The following FBXW8 variants were observed in gnomAD, a reference collection of about 807,000 sequenced individuals.
FBXW8 encodes F-box and WD repeat domain containing 8.
A neutral mutation model predicts 65.3 loss-of-function variants in FBXW8; 57 were observed. That is an observed-to-expected ratio of 0.87 (90% CI 0.71 to 1.09). The LOEUF (loss-of-function observed/expected upper bound fraction) is 1.09, where lower values mean the gene tolerates loss of function less well. Ranked by LOEUF, FBXW8 falls within the 50% of genes least tolerant of loss-of-function variation. The probability of loss-of-function intolerance (pLI) is 0.00; values close to 1 mark genes in which losing one functional copy is unlikely to be tolerated. For synonymous variants in FBXW8, 308 were observed against 330.2 expected (o/e 0.93, Z 0.73); for missense variants, 777 against 814.8 (o/e 0.95, Z 0.57).
chr12:117,028,023 T>C lies in FBXW8; in HGVS notation c.1653-5T>C. 1 of 1,613,958 alleles carries C rather than the reference T, an allele frequency of 6.2e-7. No individual in the cohort carries two copies. The highest frequency in any genetic ancestry group is 1.1e-5 in the South Asian group (1 of 91,074). On this transcript the variant is annotated splice_polypyrimidine_tract_variant and splice_region_variant and intron_variant, in intron 10 of 10. Transcript: ENST00000652555. This position sits in a 1 kb window ranked among gnomAD's most constrained non-coding sequence, Gnocchi z 4.1. The stretch of plus-strand genomic sequence containing the variant: ...GACCTGTCACCATCTTTGTGCTCTT[T>C]CTAGACACCGGGGGCTGATCCGCGC...
At chr12:116,990,754 G>GT (rs991153071) in intron 7 of FBXW8, among the ~76,000 whole-genome samples, 28 of 152,154 alleles carry the variant, frequency 1.8e-4, no homozygotes, top group African/African-American at 6.5e-4. Flanking sequence ...AGGCAGTGGG[G>GT]TTTTTTTGAT....
intron 3 of FBXW8, among the ~76,000 whole-genome samples, chr12:116,947,597 G>A (rs1026742331): frequency 5.9e-5 from 9 of 151,826 alleles, no homozygotes; most frequent in Non-Finnish European, 8.8e-5. Flanking sequence ...AAAATTAGCC[G>A]GGCGTGGTGG....
intron 1 of FBXW8, among the ~76,000 whole-genome samples, chr12:116,919,087 G>A (rs888454909): frequency 6.6e-6 from 1 of 152,108 alleles, no homozygotes; most frequent in Non-Finnish European, 1.5e-5. Flanking sequence ...ATGAATGTGG[G>A]CTCTCATAAT....
At position 116,936,672 on chromosome 12, in the gene FBXW8, T is replaced by A. The variant is rs1403609958; in HGVS notation, c.423+8545T>A. On this transcript the variant is annotated intron_variant, in intron 2 of 10. Coordinates refer to ENST00000652555, the MANE Select transcript of FBXW8 (RefSeq NM_153348.3). The surrounding 1 kb of genome is among the most constrained non-coding windows in gnomAD (Gnocchi z 4.6). ...GAATGCAGCCCTGCCCACACCTTGC[T>A]TTTACACTTCTGGTCTCCGGAACTA... 6.6e-6 allele frequency among the ~76,000 whole-genome samples: 1 copy of A among 152,186 alleles called. No individual in the cohort carries two copies. The highest frequency in any genetic ancestry group is 1.5e-5 in the Non-Finnish European group (1 of 68,034).
intron 1 of FBXW8, among the ~76,000 whole-genome samples, chr12:116,913,572 T>C (rs188547538): frequency 1.4e-4 from 22 of 152,304 alleles, no homozygotes; most frequent in Non-Finnish European, 2.5e-4. Context: ...TAAGTGAAAG[T>C]GGCTCATCAC....
intron 4 of FBXW8, among the ~76,000 whole-genome samples, chr12:116,951,743 T>A (rs956088849): frequency 6.6e-6 from 1 of 152,178 alleles, no homozygotes; most frequent in Non-Finnish European, 1.5e-5. Flanking sequence ...CAGACTGATA[T>A]TTATTGCAGT....
At chr12:116,965,160 T>C (rs1329059355) in intron 5 of FBXW8, among the ~76,000 whole-genome samples, 2 of 152,240 alleles carry the variant, frequency 1.3e-5, no homozygotes, top group East Asian at 1.9e-4. Flanking sequence ...ACTTGTTTGA[T>C]GTAAAATATT....
At chr12:116,990,487 C>T (rs1026002831) in intron 7 of FBXW8, among the ~76,000 whole-genome samples, 4 of 151,956 alleles carry the variant, frequency 2.6e-5, no homozygotes, top group African/African-American at 7.3e-5. Flanking sequence ...AGAGGGGAGA[C>T]CATTTTGCTT....
At position 116,980,547 on chromosome 12, in the gene FBXW8, G is replaced by C. The variant is rs577131858; in HGVS notation, c.836-4659G>C. On this transcript the variant is annotated intron_variant, in intron 5 of 10. Coordinates refer to ENST00000652555, the MANE Select transcript of FBXW8 (RefSeq NM_153348.3). ...TCTTGCCATTTCACAAGTTCACAGTGTCAGGAGCCAAATCCATTTCATTGC... is the reference window on the plus strand; with the variant it reads ...TCTTGCCATTTCACAAGTTCACAGTCTCAGGAGCCAAATCCATTTCATTGC... 4.6e-5 allele frequency: 7 copies of C among 152,280 alleles called. 1 individual carries two copies. In the South Asian group the frequency reaches 1.5e-3, roughly 32 times the overall value. 9.4% of individuals were successfully genotyped at this position (152,280 alleles called of 1,614,324 possible). A position where few individuals can be genotyped will look rare whatever the true frequency, so the allele number is the denominator to read the frequency against.
chr12:116,945,292 G>T (rs1882853784), intron 2 of FBXW8, 72 bp from the exon 3 acceptor site: 1 of 1,496,038 alleles, frequency 6.7e-7, no homozygotes, highest in African/African-American at 1.4e-5. Context: ...TATAGGTGTT[G>T]ATTGATTTTT....
chr12:116,916,911 T>TGTGA (rs59006120), intron 1 of FBXW8, among the ~76,000 whole-genome samples: 2,153 of 145,676 alleles, frequency 0.015, 27 homozygotes, highest in African/African-American at 0.03. Context: ...TGTGTGTGTG[T>TGTGA]GAGAGAGAGA....
intron 1 of FBXW8, 22 bp downstream of exon 1, chr12:116,911,377 C>T: frequency 1.6e-6 from 2 of 1,256,122 alleles, no homozygotes; most frequent in Non-Finnish European, 2.0e-6. Flanking sequence ...TCGCCTCCCC[C>T]CCGCCCATGC....
In FBXW8 at chr12:116,936,016, CAGAG is replaced by C. The variant is rs1247980889; in HGVS notation, c.423+7892_423+7895del. On this transcript the variant is annotated intron_variant, in intron 2 of 10. Coordinates refer to ENST00000652555, the MANE Select transcript of FBXW8 (RefSeq NM_153348.3). This position sits in a 1 kb window ranked among gnomAD's most constrained non-coding sequence, Gnocchi z 4.6. ...AATAAAACATAAAAAACCAGCTTCT[CAGAG>C]AGCTTCCATTGTATATACAATAAAG... 3.9e-5 allele frequency among the ~76,000 whole-genome samples: 3 copies of C among 76,376 alleles called. No individual in the cohort carries two copies. The highest frequency in any genetic ancestry group is 7.4e-4 in the East Asian group (2 of 2,714). The allele number at this position is 76,376 out of a possible 152,430, so 50.1% of individuals were successfully genotyped here. A position where few individuals can be genotyped will look rare whatever the true frequency, so the allele number is the denominator to read the frequency against.
intron 1 of FBXW8, among the ~76,000 whole-genome samples, chr12:116,922,428 A>G (rs1428786461): frequency 6.6e-6 from 1 of 152,174 alleles, no homozygotes; most frequent in Non-Finnish European, 1.5e-5. Flanking sequence ...CTCTTCTTTG[A>G]ACTCAAGGTG....
intron 5 of FBXW8, among the ~76,000 whole-genome samples, chr12:116,979,973 T>C (rs1424885616): frequency 6.6e-6 from 1 of 152,100 alleles, no homozygotes; most frequent in African/African-American, 2.4e-5. Flanking sequence ...CAGGTGGGCA[T>C]GTTCATAGTA....
rs143754925 is a variant in FBXW8, at chr12:116,919,136, C to T, written c.318+7781C>T. ...TAACTGATGCTATGGAAAGCAAAACCGCGGATAAGGGGGGACGACTGTGTT... is the reference window on the plus strand; with the variant it reads ...TAACTGATGCTATGGAAAGCAAAACTGCGGATAAGGGGGGACGACTGTGTT... On this transcript the variant is annotated intron_variant, in intron 1 of 10. Transcript: ENST00000652555. Among the ~76,000 whole-genome samples, 140 of 152,200 alleles carry T rather than the reference C, an allele frequency of 9.2e-4. 1 individual carries two copies. Among genetic ancestry groups the T allele is most frequent in the African/African-American group, 3.2e-3 (134 of 41,514 alleles).
chr12:117,008,992 G>A (rs373050259), intron 7 of FBXW8, among the ~76,000 whole-genome samples: 1 of 152,128 alleles, frequency 6.6e-6, no homozygotes, highest in African/African-American at 2.4e-5. Context: ...GCTTGAACCC[G>A]GGAGGCGGAG....
At chr12:117,027,030 G>A (rs1954248358) in intron 9 of FBXW8, among the ~76,000 whole-genome samples, 1 of 152,126 alleles carries the variant, frequency 6.6e-6, no homozygotes, top group South Asian at 2.1e-4. Context: ...GCCTGGCTGG[G>A]AAAGCTCAAG....
chr12:117,023,069 GTCTT>G (rs578059633), intron 8 of FBXW8, among the ~76,000 whole-genome samples: 40 of 152,314 alleles, frequency 2.6e-4, no homozygotes, highest in Admixed American at 1.2e-3. Flanking sequence ...AGAAAAAGAA[GTCTT>G]TCTTTATTAT....
Sources: allele counts gnomAD v4.1 joint callset (sites outside exome capture counted in the v4.1 genomes callset), GRCh38; gene constraint gnomAD v4.1.1; non-coding constraint Gnocchi (gnomAD v3.1); transcripts MANE v1.5; gene names NCBI Gene and HGNC (gene_info 2026-07-23, HGNC 2026-07-21).